Variants in ACSM3 observed in about 807,000 individuals in gnomAD.
The protein encoded by ACSM3 is acyl-coenzyme A synthetase ACSM3, mitochondrial.
Under a neutral mutation model 74.1 loss-of-function variants are expected in ACSM3, and 61 were observed. That is an observed-to-expected ratio of 0.82 (90% CI 0.67 to 1.02). The LOEUF is 1.02. Ranked by LOEUF, ACSM3 falls within the 50% of genes least tolerant of loss-of-function variation. The pLI is 0.00. For missense variants in ACSM3, 660 were observed against 697.0 expected, an observed-to-expected ratio of 0.95 and a Z score of 0.60; for synonymous variants, 213 against 241.5, an observed-to-expected ratio of 0.88 and a Z score of 1.09.
intron 7 of ACSM3, among the ~76,000 whole-genome samples, 182 bp downstream of exon 7, chr16:20,781,969 C>A (rs547166655): frequency 6.6e-6 from 1 of 152,234 alleles, no homozygotes; most frequent in East Asian, 1.9e-4. Context: ...GTGACCAGGG[C>A]AAGATCCCCC....
chr16:20,791,111 C>A (rs1326619229), intron 10 of ACSM3, among the ~76,000 whole-genome samples: 1 of 152,194 alleles, frequency 6.6e-6, no homozygotes, highest in African/African-American at 2.4e-5. Flanking sequence ...AAGCTCCTTA[C>A]TGTTTACAAC....
rs574065169 is a variant in ACSM3, at chr16:20,758,940, T to C, written c.-52+3324T>C. On this transcript the variant is annotated intron_variant, in intron 3 of 3. Coordinates refer to the ACSM3 transcript ENST00000561584. Reference sequence around the variant, plus strand: ...TCAGTTTCCATGTAGTTGAGCGGTTTTGAGTGAGTTTCTTAATCCTGAGTT... The same window carrying C: ...TCAGTTTCCATGTAGTTGAGCGGTTCTGAGTGAGTTTCTTAATCCTGAGTT... Among the ~76,000 whole-genome samples, 205 of 152,274 alleles carry C rather than the reference T, an allele frequency of 1.3e-3. 1 individual carries two copies. Among genetic ancestry groups the C allele is most frequent in the African/African-American group, 4.7e-3 (197 of 41,534 alleles).
At chr16:20,754,541 A>G (rs1174735359) in intron 2 of ACSM3, among the ~76,000 whole-genome samples, 1 of 152,190 alleles carries the variant, frequency 6.6e-6, no homozygotes, top group Non-Finnish European at 1.5e-5. Flanking sequence ...CCAATCAAGT[A>G]ATTTCTTTGC....
intron 1 of ACSM3, chr16:20,720,851 G>A (rs2079782748): frequency 6.6e-6 from 1 of 152,128 alleles, no homozygotes; most frequent in Non-Finnish European, 1.5e-5. Flanking sequence ...AGAATCCATG[G>A]AGCAGATACA....
intron 1 of ACSM3, chr16:20,737,144 C>T (rs766777438): frequency 6.2e-7 from 1 of 1,614,200 alleles, no homozygotes; most frequent in Non-Finnish European, 8.5e-7. Context: ...TCTTCACCAC[C>T]TCCTGGAGAT....
intron 1 of ACSM3, chr16:20,736,226 T>C (rs1213262336): frequency 2.0e-5 from 3 of 152,220 alleles, no homozygotes; most frequent in Admixed American, 6.5e-5. Flanking sequence ...GTTGCACTAG[T>C]ATACTGAAGT....
chr16:20,710,700 C>T (rs945701286), intron 1 of ACSM3, among the ~76,000 whole-genome samples: 1 of 152,072 alleles, frequency 6.6e-6, no homozygotes, highest in Non-Finnish European at 1.5e-5. Flanking sequence ...TGTCCCAAAA[C>T]TCACTTTGGA....
chr16:20,752,922 G>C (rs1240425779), intron 2 of ACSM3, among the ~76,000 whole-genome samples: 1 of 152,062 alleles, frequency 6.6e-6, no homozygotes, highest in African/African-American at 2.4e-5. Flanking sequence ...TTAACTATTA[G>C]TTTATAGAAA....
Position 20,736,908 on chromosome 16 carries a change from G to C in ACSM3, c.-189-13002G>C, listed in dbSNP as rs200696246. ...TGAGAAGTCATTTTCATTTGACTTG[G>C]ATCCTTCTGTGGCTTGACTTGCAAG... On this transcript the variant is annotated intron_variant, in intron 1 of 3. Transcript: ENST00000561584. 3.0e-5 allele frequency: 49 copies of C among 1,614,064 alleles called. No individual in the cohort carries two copies. The East Asian group carries it at 5.3e-4, about 18-fold the overall frequency.
intron 2 of ACSM3, among the ~76,000 whole-genome samples, chr16:20,773,097 C>G (rs754417827): frequency 1.1e-4 from 16 of 151,866 alleles, no homozygotes; most frequent in Non-Finnish European, 1.9e-4. Context: ...GGTTTTCTAT[C>G]TTGGTAGGTT....
At chr16:20,752,897 A>G (rs913097828) in intron 2 of ACSM3, among the ~76,000 whole-genome samples, 1 of 152,214 alleles carries the variant, frequency 6.6e-6, no homozygotes, top group Admixed American at 6.5e-5. Flanking sequence ...CTATAAATGG[A>G]TCTATCCTCT....
At chr16:20,693,712 C>T (rs1345687628) in intron 1 of ACSM3, among the ~76,000 whole-genome samples, 1 of 152,120 alleles carries the variant, frequency 6.6e-6, no homozygotes, top group African/African-American at 2.4e-5. Flanking sequence ...TTATTTTGTC[C>T]CTCCTGCCTG....
chr16:20,677,969 A>G (rs1234090494), intron 1 of ACSM3, among the ~76,000 whole-genome samples: 1 of 151,692 alleles, frequency 6.6e-6, no homozygotes, highest in Non-Finnish European at 1.5e-5. Context: ...TGTGGCAGAG[A>G]TGCACTGCAA....
intron 2 of ACSM3, among the ~76,000 whole-genome samples, chr16:20,775,204 G>A (rs1327325071): frequency 1.3e-5 from 2 of 152,120 alleles, no homozygotes; most frequent in Non-Finnish European, 1.5e-5. Context: ...ATTGGCCCCA[G>A]GGCAAGATGT....
rs930817400 is a variant in ACSM3, at chr16:20,797,207, A to G, written c.*235A>G. 1.6e-6 allele frequency: 2 copies of G among 1,227,552 alleles called. No individual in the cohort carries two copies. Among genetic ancestry groups the G allele is most frequent in the African/African-American group, 3.2e-5 (2 of 62,790 alleles). The allele number at this position is 1,227,552 out of a possible 1,614,324, so 76.0% of individuals were successfully genotyped here. ...TTCTTAATATAAAAATAATACCATC[A>G]ATTGCTGATTAATTTTTAAATGTAT... On this transcript the variant is annotated 3_prime_UTR_variant, in exon 14 of 14. Coordinates refer to ENST00000289416, the MANE Select transcript of ACSM3 (RefSeq NM_005622.4).
chr16:20,756,786 TA>T (rs1405580736), intron 3 of ACSM3, among the ~76,000 whole-genome samples: 3 of 152,258 alleles, frequency 2.0e-5, no homozygotes, highest in Admixed American at 6.5e-5. Context: ...TTTAAGTCTT[TA>T]ATCCAACTTG....
chr16:20,719,559 CG>C (rs750287941), intron 1 of ACSM3, among the ~76,000 whole-genome samples: 1 of 151,738 alleles, frequency 6.6e-6, no homozygotes, highest in African/African-American at 2.4e-5. Flanking sequence ...CAGAGTGGGG[CG>C]GGGTGGGGGA....
intron 1 of ACSM3, among the ~76,000 whole-genome samples, chr16:20,727,943 A>G (rs2152403443): frequency 6.6e-6 from 1 of 152,342 alleles, no homozygotes; most frequent in South Asian, 2.1e-4. Context: ...AAACTCTGGG[A>G]TGAGGCCCAT....
At chr16:20,775,768 A>G (rs982791180) in intron 2 of ACSM3, 71 bp from the exon 3 acceptor site, 6 of 1,479,424 alleles carry the variant, frequency 4.1e-6, no homozygotes, top group African/African-American at 1.4e-5. Flanking sequence ...AATCTATTCC[A>G]TTGAGTCAGT....
Sources: allele counts gnomAD v4.1 joint callset (sites outside exome capture counted in the v4.1 genomes callset), GRCh38; gene constraint gnomAD v4.1.1; transcripts MANE v1.5; gene names NCBI Gene and HGNC (gene_info 2026-07-23, HGNC 2026-07-21).